ADGRB3: variants seen among roughly 807,000 people sequenced by gnomAD.
The protein encoded by ADGRB3 is brain-specific angiogenesis inhibitor 3.
In ADGRB3, 37 loss-of-function variants were observed where a neutral mutation model predicts 193.4. The observed-to-expected ratio is 0.19, with a 90% CI of 0.15 to 0.25. The LOEUF (loss-of-function observed/expected upper bound fraction) is 0.25. Among genes scored for constraint, ADGRB3 ranks in the 10% least tolerant of loss-of-function variants. The pLI, the probability that ADGRB3 is intolerant of heterozygous loss-of-function variation, is 1.00. For synonymous variants in ADGRB3, 690 were observed against 644.2 expected (o/e 1.07, Z -1.08); for missense variants, 1,637 against 1,852.9 (o/e 0.88, Z 2.14).
At chr6:68,771,809 TG>T (rs1422387213) in intron 3 of ADGRB3, among the ~76,000 whole-genome samples, 2 of 152,110 alleles carry the variant, frequency 1.3e-5, no homozygotes, top group African/African-American at 4.8e-5. Context: ...ATCTTCTGTC[TG>T]ACCTGCAAGG....
chr6:68,869,791 G>C (rs905351464), intron 3 of ADGRB3, among the ~76,000 whole-genome samples: 2 of 151,662 alleles, frequency 1.3e-5, no homozygotes, highest in Non-Finnish European at 2.9e-5. Flanking sequence ...GTGGCGGGGA[G>C]ACAGAGTCTC....
intron 20 of ADGRB3, among the ~76,000 whole-genome samples, chr6:69,282,007 A>C (rs1767447465): frequency 6.6e-6 from 1 of 152,114 alleles, no homozygotes; most frequent in Admixed American, 6.6e-5. Flanking sequence ...ACTACCTTGC[A>C]GGCTCATAAA....
At chr6:68,940,764 C>T (rs1306982185) in intron 5 of ADGRB3, among the ~76,000 whole-genome samples, 2 of 151,736 alleles carry the variant, frequency 1.3e-5, no homozygotes, top group Non-Finnish European at 2.9e-5. Context: ...TGGTGCCGCG[C>T]GCCTGTAATC....
At position 69,338,981 on chromosome 6, in the gene ADGRB3, C is replaced by T; in HGVS notation, c.3254C>T (p.Thr1085Ile). ...GCCAAGTGTGGAGTAGTTTCAACAA[C>T]AGCTTTGTCAGCCACCACCGCCAGT... is the stretch of plus-strand genomic sequence containing the variant. ...KCAKCGVVST[T>I]ALSATTASNA... is the part of the protein sequence containing the mutation. Residue 1085 changes from threonine (T) to isoleucine (I), a missense_variant, in exon 25 of 32, where the codon ACA becomes ATA. Transcript: ENST00000370598. 3 of 1,613,788 alleles carry T rather than the reference C, an allele frequency of 1.9e-6. No homozygotes were observed. Among genetic ancestry groups the T allele is most frequent in the Non-Finnish European group, 2.5e-6 (3 of 1,179,846 alleles).
chr6:68,772,891 AAAAATATATATATATATATAT>A (rs1265683774), intron 3 of ADGRB3, among the ~76,000 whole-genome samples: 12 of 35,850 alleles, frequency 3.3e-4, no homozygotes, highest in African/African-American at 1.5e-3. Context: ...ACAAAAAAAA[AAAAATATATATATATATATAT>A]ATATATATAT....
chr6:69,283,993 TG>T (rs929749640), intron 20 of ADGRB3, among the ~76,000 whole-genome samples: 1 of 152,184 alleles, frequency 6.6e-6, no homozygotes, highest in Non-Finnish European at 1.5e-5. Context: ...CCGTGACTCA[TG>T]GGCTGCTAGC....
intron 26 of ADGRB3, among the ~76,000 whole-genome samples, chr6:69,340,083 C>T (rs555217569): frequency 1.3e-5 from 2 of 152,132 alleles, no homozygotes; most frequent in Non-Finnish European, 2.9e-5. Flanking sequence ...AAAATGTATA[C>T]AGTGAGACAT....
At chr6:68,656,072 G>A (rs935846910) in intron 3 of ADGRB3, among the ~76,000 whole-genome samples, 32 of 151,606 alleles carry the variant, frequency 2.1e-4, no homozygotes, top group African/African-American at 7.2e-4. Context: ...CTCCTGAGCA[G>A]AGTCAATTGA....
chr6:69,105,242 C>T (rs1773174929), intron 17 of ADGRB3, among the ~76,000 whole-genome samples: 1 of 152,158 alleles, frequency 6.6e-6, no homozygotes, highest in Non-Finnish European at 1.5e-5. Flanking sequence ...TTCCCTTTCT[C>T]CCACCTTTCC....
intron 3 of ADGRB3, among the ~76,000 whole-genome samples, chr6:68,805,139 C>T (rs1363716137): frequency 1.3e-5 from 2 of 152,080 alleles, no homozygotes; most frequent in Non-Finnish European, 2.9e-5. Context: ...CACTAGGCTG[C>T]CCAGGCTGGT....
chr6:69,090,692 T>C (rs558043136), intron 17 of ADGRB3, among the ~76,000 whole-genome samples: 1 of 152,314 alleles, frequency 6.6e-6, no homozygotes, highest in East Asian at 1.9e-4. Flanking sequence ...ATGGTTTTCA[T>C]TAGCAAAGGG....
At chr6:68,874,527 T>G (rs945836532) in intron 3 of ADGRB3, among the ~76,000 whole-genome samples, 2 of 152,140 alleles carry the variant, frequency 1.3e-5, no homozygotes, top group African/African-American at 4.8e-5. Context: ...TGAATTAGCT[T>G]TAAGTGAATC....
intron 6 of ADGRB3, among the ~76,000 whole-genome samples, chr6:68,949,437 A>G (rs1228152110): frequency 6.6e-6 from 1 of 152,210 alleles, no homozygotes; most frequent in Non-Finnish European, 1.5e-5. Flanking sequence ...GGCCTCATAA[A>G]CAGGTAGACC....
chr6:68,974,648 G>GAA, intron 8 of ADGRB3, 115 bp from the exon 9 acceptor site: 3 of 740,188 alleles, frequency 4.1e-6, no homozygotes, highest in Non-Finnish European at 4.4e-6. Context: ...AAAAAAGAAA[G>GAA]AAAAAAAAAG....
At chr6:68,637,947 C>T (rs1285774525) in intron 2 of ADGRB3, among the ~76,000 whole-genome samples, 1 of 152,154 alleles carries the variant, frequency 6.6e-6, no homozygotes, top group Non-Finnish European at 1.5e-5. Context: ...CAAGTCTTCC[C>T]TATGTATTTA....
intron 20 of ADGRB3, among the ~76,000 whole-genome samples, chr6:69,310,096 A>C (rs887471338): frequency 6.6e-6 from 1 of 151,598 alleles, no homozygotes; most frequent in Non-Finnish European, 1.5e-5. Context: ...TATAATTTAA[A>C]CTCACGACAT....
At chr6:68,699,071 T>G (rs1765200665) in intron 3 of ADGRB3, among the ~76,000 whole-genome samples, 1 of 152,168 alleles carries the variant, frequency 6.6e-6, no homozygotes. Context: ...CATTTATTTA[T>G]ACTGAAAACA....
At chr6:68,757,639 A>G (rs1441519630) in intron 3 of ADGRB3, among the ~76,000 whole-genome samples, 1 of 151,982 alleles carries the variant, frequency 6.6e-6, no homozygotes, top group Non-Finnish European at 1.5e-5. Flanking sequence ...ACTTTCTTAT[A>G]ATTCTTTTTC....
At chr6:69,269,571 C>A (rs1767128967) in intron 20 of ADGRB3, among the ~76,000 whole-genome samples, 1 of 151,986 alleles carries the variant, frequency 6.6e-6, no homozygotes, top group South Asian at 2.1e-4. Context: ...CTTTTGTTAC[C>A]AGTAAGCCTT....
Sources: gnomAD v4.1 joint callset for allele counts (sites outside exome capture counted in the v4.1 genomes callset) on GRCh38, gnomAD v4.1.1 for gene constraint, MANE v1.5 for transcripts, NCBI Gene and HGNC (gene_info 2026-07-23, HGNC 2026-07-21) for gene names.